PTPRK: variants seen among roughly 807,000 people sequenced by gnomAD.
The protein encoded by PTPRK is protein tyrosine phosphatase receptor type K, also known as receptor-type tyrosine-protein phosphatase kappa.
In PTPRK, 75 loss-of-function variants were observed where a neutral mutation model predicts 178.0. That is an observed-to-expected ratio of 0.42 (90% CI 0.35 to 0.51). The LOEUF (loss-of-function observed/expected upper bound fraction) is 0.51. PTPRK is among the 20% of genes least tolerant of loss of function. The pLI is 0.02. For missense variants in PTPRK, 1,441 were observed against 1,797.8 expected, an observed-to-expected ratio of 0.80 and a Z score of 3.59; for synonymous variants, 637 against 620.6, an observed-to-expected ratio of 1.03 and a Z score of -0.39.
intron 1 of PTPRK, among the ~76,000 whole-genome samples, chr6:128,490,952 T>C (rs754184570): frequency 1.3e-5 from 2 of 152,210 alleles, no homozygotes; most frequent in East Asian, 1.9e-4. Context: ...CCCACTCTTA[T>C]GACATCATTT....
intron 3 of PTPRK, among the ~76,000 whole-genome samples, chr6:128,293,000 C>A (rs1823655352): frequency 6.6e-6 from 1 of 151,918 alleles, no homozygotes; most frequent in Non-Finnish European, 1.5e-5. Flanking sequence ...CAACAGCCAA[C>A]TGGTGTGTAT....
At chr6:128,353,965 C>T (rs1172613315) in intron 2 of PTPRK, among the ~76,000 whole-genome samples, 5 of 152,028 alleles carry the variant, frequency 3.3e-5, no homozygotes, top group African/African-American at 1.2e-4. Flanking sequence ...TAAAATAATA[C>T]ATTTGAGGGA....
chr6:128,083,492 AC>A (rs1562552165), intron 9 of PTPRK, among the ~76,000 whole-genome samples: 1 of 152,128 alleles, frequency 6.6e-6, no homozygotes, highest in African/African-American at 2.4e-5. Flanking sequence ...GCAACAAAAA[AC>A]ATGCATTTTT....
chr6:128,498,719 A>G (rs1427437624), intron 1 of PTPRK, among the ~76,000 whole-genome samples: 1 of 152,240 alleles, frequency 6.6e-6, no homozygotes, highest in Non-Finnish European at 1.5e-5. Context: ...CAGAATAAAT[A>G]TGGAATAAAA....
At position 128,233,460 on chromosome 6, in the gene PTPRK, G is replaced by A. The variant is rs1424079734; in HGVS notation, c.693+6575C>T. ...CTTTCACTGCCCCTTCACTGAGAAC[G>A]GTTGGTACAGTAGGGGGTCAGCCTC... is the stretch of plus-strand genomic sequence containing the variant. On this transcript the variant is annotated intron_variant, in intron 5 of 29. Transcript: ENST00000368226. Among the ~76,000 whole-genome samples the A allele has an allele frequency of 2.0e-5, 3 of 152,298 alleles. No homozygotes were observed. The South Asian group carries it at 6.2e-4, about 32-fold the overall frequency.
At chr6:128,029,687 A>AATAATC (rs557008961) in intron 13 of PTPRK, among the ~76,000 whole-genome samples, 81 of 140,158 alleles carry the variant, frequency 5.8e-4, no homozygotes, top group South Asian at 8.8e-4. Flanking sequence ...TAATAATAAT[A>AATAATC]ATCCAGCCTC....
intron 7 of PTPRK, among the ~76,000 whole-genome samples, chr6:128,175,705 T>C (rs1042003905): frequency 6.6e-6 from 1 of 151,796 alleles, no homozygotes; most frequent in Non-Finnish European, 1.5e-5. Flanking sequence ...CATTCTAAAA[T>C]AATGAGTTTT....
At chr6:128,311,317 T>C (rs1827214912) in intron 3 of PTPRK, among the ~76,000 whole-genome samples, 1 of 152,178 alleles carries the variant, frequency 6.6e-6, no homozygotes, top group African/African-American at 2.4e-5. Context: ...GCCCCTTTGA[T>C]CTGCTGAATT....
chr6:128,345,468 G>C (rs1413771810), intron 2 of PTPRK, among the ~76,000 whole-genome samples: 3 of 152,094 alleles, frequency 2.0e-5, no homozygotes, highest in Non-Finnish European at 4.4e-5. Context: ...CTTGCTGATG[G>C]CAATACCCTG....
chr6:128,064,897 G>A, intron 12 of PTPRK, 103 bp from the exon 13 acceptor site: 5 of 1,252,778 alleles, frequency 4.0e-6, no homozygotes, highest in Admixed American at 3.5e-5. Flanking sequence ...TCATAAAAAG[G>A]GATTATAAAC....
At chr6:128,406,925 C>G (rs1488086993) in intron 1 of PTPRK, among the ~76,000 whole-genome samples, 2 of 152,162 alleles carry the variant, frequency 1.3e-5, no homozygotes, top group East Asian at 1.9e-4. Flanking sequence ...CCATTCTAAC[C>G]TAACAAAGAC....
At chr6:128,205,035 G>A (rs941309078) in intron 6 of PTPRK, among the ~76,000 whole-genome samples, 1 of 152,080 alleles carries the variant, frequency 6.6e-6, no homozygotes, top group African/African-American at 2.4e-5. Context: ...ATGACCCACT[G>A]GATAAAGAAA....
At chr6:128,426,927 A>G (rs867010475) in intron 1 of PTPRK, among the ~76,000 whole-genome samples, 3 of 152,180 alleles carry the variant, frequency 2.0e-5, no homozygotes, top group South Asian at 2.1e-4. Flanking sequence ...CCTCAATTTC[A>G]GTCTTTTGAT....
intron 13 of PTPRK, among the ~76,000 whole-genome samples, chr6:128,035,341 G>A (rs1428113801): frequency 6.6e-6 from 1 of 151,442 alleles, no homozygotes; most frequent in Non-Finnish European, 1.5e-5. Flanking sequence ...ACTCCAGCCT[G>A]GGTGACAAGA....
chr6:128,009,884 G>C (rs1361949211), intron 13 of PTPRK, among the ~76,000 whole-genome samples: 1 of 151,164 alleles, frequency 6.6e-6, no homozygotes, highest in Non-Finnish European at 1.5e-5. Flanking sequence ...AGATAATAAA[G>C]TTGGGAAACA....
chr6:128,027,413 C>G (rs960059527), intron 13 of PTPRK, among the ~76,000 whole-genome samples: 3 of 152,066 alleles, frequency 2.0e-5, no homozygotes, highest in Non-Finnish European at 4.4e-5. Context: ...AAACAGTACC[C>G]ACATTCAAAG....
intron 1 of PTPRK, among the ~76,000 whole-genome samples, chr6:128,456,873 C>T (rs1848461235): frequency 1.3e-5 from 2 of 152,032 alleles, no homozygotes; most frequent in African/African-American, 4.8e-5. Flanking sequence ...TTTATAATTT[C>T]CTCTTTAAAG....
intron 13 of PTPRK, among the ~76,000 whole-genome samples, chr6:128,052,025 A>G (rs551731363): frequency 6.6e-6 from 1 of 152,250 alleles, no homozygotes; most frequent in Admixed American, 6.5e-5. Context: ...AGACATGTTA[A>G]CTTGTACTCC....
At chr6:128,347,070 T>TGCTTTTGAAACCATATCTATTTC (rs1832525209) in intron 2 of PTPRK, among the ~76,000 whole-genome samples, 1 of 152,182 alleles carries the variant, frequency 6.6e-6, no homozygotes, top group Non-Finnish European at 1.5e-5. Flanking sequence ...TCATATAGTA[T>TGCTTTTGAAACCATATCTATTTC]ATAAAATGCT....
Sources: allele counts gnomAD v4.1 joint callset (sites outside exome capture counted in the v4.1 genomes callset), GRCh38; gene constraint gnomAD v4.1.1; transcripts MANE v1.5; gene names NCBI Gene and HGNC (gene_info 2026-07-23, HGNC 2026-07-21).